SAMMSON: variants seen among roughly 807,000 people sequenced by gnomAD.
SAMMSON encodes the protein survival associated mitochondrial melanoma specific oncogenic non-coding RNA.
At chr3:70,203,188 G>C (rs1701258023) in intron 4 of SAMMSON, among the ~76,000 whole-genome samples, 1 of 152,006 alleles carries the variant, frequency 6.6e-6, no homozygotes, top group Admixed American at 6.6e-5. Context: ...AAAAAGAAAA[G>C]AGCCAGCATG....
intron 4 of SAMMSON, among the ~76,000 whole-genome samples, chr3:70,082,214 T>C (rs2067270104): frequency 6.6e-6 from 1 of 152,218 alleles, no homozygotes; most frequent in Non-Finnish European, 1.5e-5. Context: ...AGACCCACTC[T>C]GGCTCAAATA....
At chr3:70,319,561 C>T (rs1038960399) in intron 7 of SAMMSON, among the ~76,000 whole-genome samples, 2 of 152,092 alleles carry the variant, frequency 1.3e-5, no homozygotes, top group South Asian at 2.1e-4. Context: ...CGGGCAGACA[C>T]AGCCTAGAAC....
intron 3 of SAMMSON, among the ~76,000 whole-genome samples, chr3:70,049,458 T>C (rs1345559706): frequency 1.3e-5 from 2 of 152,202 alleles, no homozygotes; most frequent in African/African-American, 4.8e-5. Context: ...GCTTTGGAGT[T>C]AAAACTGGCT....
At chr3:70,354,787 T>A (rs805490) in intron 8 of SAMMSON, among the ~76,000 whole-genome samples, 17 of 152,042 alleles carry the variant, frequency 1.1e-4, no homozygotes, top group African/African-American at 4.1e-4. Context: ...GCATACATTC[T>A]CGGATGCTTT....
At chr3:70,292,535 G>C (rs1702248138) in intron 7 of SAMMSON, among the ~76,000 whole-genome samples, 1 of 152,068 alleles carries the variant, frequency 6.6e-6, no homozygotes, top group Non-Finnish European at 1.5e-5. Flanking sequence ...TGGTTTGAGA[G>C]GCATTAAAAA....
In SAMMSON at chr3:70,134,498, T is replaced by C. The variant is rs574084681; in HGVS notation, n.507+62933T>C. 6.8e-4 allele frequency among the ~76,000 whole-genome samples: 104 copies of C among 152,196 alleles called. 1 individual carries two copies. Among genetic ancestry groups the C allele is most frequent in the Non-Finnish European group, 5.9e-5 (4 of 67,992 alleles). On this transcript the variant is annotated intron_variant and non_coding_transcript_variant, in intron 4 of 9. Coordinates refer to ENST00000642114, the Ensembl canonical transcript of SAMMSON. ...CAATATTTGCCAGCCAAATAAAATA[T>C]TTCCCAATGGATATATACTGAAAGT...
chr3:70,017,410 T>C (rs1228070788), intron 3 of SAMMSON, among the ~76,000 whole-genome samples: 2 of 152,216 alleles, frequency 1.3e-5, no homozygotes, highest in East Asian at 1.9e-4. Flanking sequence ...ATAAGAATGC[T>C]TGTGATTTTT....
At chr3:70,194,378 TCAATAAC>T (rs1701155446) in intron 4 of SAMMSON, among the ~76,000 whole-genome samples, 1 of 152,256 alleles carries the variant, frequency 6.6e-6, no homozygotes, top group Non-Finnish European at 1.5e-5. Flanking sequence ...TTGTATTTAA[TCAATAAC>T]CACATCCCTT....
chr3:70,021,937 T>A (rs2067015043), intron 3 of SAMMSON, among the ~76,000 whole-genome samples: 1 of 152,142 alleles, frequency 6.6e-6, no homozygotes, highest in African/African-American at 2.4e-5. Flanking sequence ...CATCAACATT[T>A]TTAAGAAGTA....
At chr3:70,343,117 A>G (rs974882144) in intron 7 of SAMMSON, among the ~76,000 whole-genome samples, 1 of 152,144 alleles carries the variant, frequency 6.6e-6, no homozygotes, top group African/African-American at 2.4e-5. Context: ...GATTTACAGA[A>G]AAATTGGGAA....
chr3:70,334,975 A>G (rs925216659), intron 7 of SAMMSON, among the ~76,000 whole-genome samples: 2 of 149,230 alleles, frequency 1.3e-5, no homozygotes, highest in African/African-American at 2.5e-5. Flanking sequence ...ATCAAAGCCA[A>G]TGTAATGTTA....
chr3:70,177,924 C>A (rs1440208712), intron 4 of SAMMSON, among the ~76,000 whole-genome samples: 1 of 152,064 alleles, frequency 6.6e-6, no homozygotes, highest in Non-Finnish European at 1.5e-5. Context: ...AATATATGTG[C>A]GTGTTTGTAT....
intron 4 of SAMMSON, among the ~76,000 whole-genome samples, chr3:70,210,823 G>C (rs1701336137): frequency 6.6e-6 from 1 of 152,040 alleles, no homozygotes; most frequent in Non-Finnish European, 1.5e-5. Context: ...TTGGGCTACA[G>C]GTAATTGCAA....
At chr3:70,087,366 G>A (rs1283157168) in intron 4 of SAMMSON, among the ~76,000 whole-genome samples, 8 of 152,154 alleles carry the variant, frequency 5.3e-5, no homozygotes, top group African/African-American at 9.7e-5. Flanking sequence ...ATTTTTGGAG[G>A]AGTAGCCAGT....
chr3:70,354,325 A>G (rs1033524278), intron 8 of SAMMSON: 2 of 152,232 alleles, frequency 1.3e-5, no homozygotes, highest in African/African-American at 4.8e-5. Context: ...TATTTGTTCT[A>G]TACTCAAACT....
At chr3:70,156,505 T>C (rs1052056256) in intron 4 of SAMMSON, among the ~76,000 whole-genome samples, 1 of 152,026 alleles carries the variant, frequency 6.6e-6, no homozygotes, top group African/African-American at 2.4e-5. Context: ...TAACTCATAA[T>C]TGATAGAGAC....
At chr3:70,130,452 C>T in intron 4 of SAMMSON, among the ~76,000 whole-genome samples, 1 of 152,142 alleles carries the variant, frequency 6.6e-6, no homozygotes, top group Non-Finnish European at 1.5e-5. Context: ...AAATATACAT[C>T]CCATGCTGTA....
rs1310861427 is a variant in SAMMSON at position 70,074,542 on chromosome 3, A to G, written n.507+2977A>G. On this transcript the variant is annotated intron_variant and non_coding_transcript_variant, in intron 4 of 9. Transcript: ENST00000642114. Reference sequence around the variant, plus strand: ...TGATAGTGCTAAAGCACAAATTTATATAATTTGATAGCACTAATTCAAAAA... The same window carrying G: ...TGATAGTGCTAAAGCACAAATTTATGTAATTTGATAGCACTAATTCAAAAA... Among the ~76,000 whole-genome samples the G allele has an allele frequency of 2.0e-5, 3 of 152,272 alleles. No homozygotes were observed. In the East Asian group the frequency reaches 5.8e-4, roughly 29 times the overall value.
intron 4 of SAMMSON, among the ~76,000 whole-genome samples, chr3:70,190,574 A>T (rs918802815): frequency 1.3e-5 from 2 of 152,220 alleles, no homozygotes; most frequent in African/African-American, 4.8e-5. Flanking sequence ...TTCCAAAAAT[A>T]TTATTCAAGT....
Sources: allele counts gnomAD v4.1 joint callset (sites outside exome capture counted in the v4.1 genomes callset), GRCh38; gene constraint gnomAD v4.1.1; transcripts MANE v1.5; gene names NCBI Gene and HGNC (gene_info 2026-07-23, HGNC 2026-07-21).